The following RYR2 variants were observed in gnomAD, a reference collection of about 807,000 sequenced individuals.
RYR2 encodes the protein ryanodine receptor 2.
A neutral mutation model predicts 601.1 loss-of-function variants in RYR2; 227 were observed. The observed-to-expected ratio is 0.38, with a 90% CI of 0.34 to 0.42. The LOEUF (loss-of-function observed/expected upper bound fraction) is 0.42. Ranked by LOEUF, RYR2 falls within the 10% of genes least tolerant of loss-of-function variation. RYR2 has a pLI of 1.00. For synonymous variants in RYR2, 2,223 were observed against 2,175.1 expected (o/e 1.02, Z -0.61); for missense variants, 4,646 against 6,156.5 (o/e 0.75, Z 8.21).
At position 237,702,043 on chromosome 1, in the gene RYR2, A is replaced by T. The variant is rs771253050; in HGVS notation, c.9433A>T (p.Ser3145Cys). ...TSLYALGTSK[S>C]IYVERQRSAL... ...CTTATATGCTTTGGGAACCAGCAAG[A>T]GTATTTACGTGGAGAGGTAAGAATG... is the stretch of plus-strand genomic sequence containing the variant. The change falls in exon 66 of 105, where the codon AGT becomes TGT. Residue 3145 changes from serine (S) to cysteine (C), a missense_variant. Around this residue, in one of 17 missense-constraint regions of RYR2, gnomAD observed 1,497 missense variants for 1,842.6 expected, o/e 0.81. Transcript: ENST00000366574. 2.5e-6 allele frequency: 4 copies of T among 1,596,058 alleles called. No individual in the cohort carries two copies. Among genetic ancestry groups the T allele is most frequent in the South Asian group, 2.2e-5 (2 of 90,574 alleles).
chr1:237,758,892 G>A (rs1332476679), intron 82 of RYR2, among the ~76,000 whole-genome samples: 3 of 152,020 alleles, frequency 2.0e-5, no homozygotes, highest in African/African-American at 4.8e-5. Context: ...TTGCTTTAGC[G>A]TTTTTTTACA....
At chr1:237,539,279 G>A (rs530064754) in intron 25 of RYR2, among the ~76,000 whole-genome samples, 23 of 152,182 alleles carry the variant, frequency 1.5e-4, no homozygotes. Context: ...CTGAGTGCCA[G>A]GGTTTTATAT....
At chr1:237,127,435 C>G (rs1340071410) in intron 1 of RYR2, among the ~76,000 whole-genome samples, 6 of 150,974 alleles carry the variant, frequency 4.0e-5, no homozygotes, top group Admixed American at 3.3e-4. Context: ...ACCTCCCTCC[C>G]AGAAGGGGGC....
Position 237,538,394 on chromosome 1 carries a change from C to CAAAAA in RYR2, c.2906+7913_2906+7917dup, listed in dbSNP as rs10551995. Among the ~76,000 whole-genome samples the CAAAAA allele has an allele frequency of 3.6e-4, 12 of 32,898 alleles. 1 individual carries two copies. The highest frequency in any genetic ancestry group is 8.0e-4 in the African/African-American group (6 of 7,516). 21.6% of individuals were successfully genotyped at this position (32,898 alleles called of 152,430 possible). On this transcript the variant is annotated intron_variant, in intron 25 of 104. Coordinates refer to ENST00000366574, the MANE Select transcript of RYR2 (RefSeq NM_001035.3). Reference sequence around the variant, plus strand: ...TGGGTGACAGAGCAAGACTCTGTCTCAAAAAAAAAAAAAAAAAAAAAAAAA... The same window carrying CAAAAA: ...TGGGTGACAGAGCAAGACTCTGTCTCAAAAAAAAAAAAAAAAAAAAAAAAAAAAAA...
chr1:237,499,958 G>A (rs1187965850), intron 20 of RYR2, among the ~76,000 whole-genome samples: 1 of 152,146 alleles, frequency 6.6e-6, no homozygotes, highest in Non-Finnish European at 1.5e-5. Flanking sequence ...CCATAGGTTG[G>A]TCTTGCCGGG....
chr1:237,572,725 C>T (rs1672828568), intron 29 of RYR2, among the ~76,000 whole-genome samples: 1 of 152,040 alleles, frequency 6.6e-6, no homozygotes, highest in African/African-American at 2.4e-5. Flanking sequence ...CTTTATGTAG[C>T]AATAATCATT....
chr1:237,228,202 A>C (rs1033868372), intron 1 of RYR2, among the ~76,000 whole-genome samples: 1 of 152,036 alleles, frequency 6.6e-6, no homozygotes, highest in Non-Finnish European at 1.5e-5. Flanking sequence ...CTTAGCTCCC[A>C]CTTGTGGGTG....
chr1:237,666,422 G>C (rs1402703066), intron 56 of RYR2, 90 bp from the exon 57 acceptor site: 10 of 1,119,544 alleles, frequency 8.9e-6, no homozygotes, highest in Non-Finnish European at 1.2e-5. Flanking sequence ...CACTATGTTT[G>C]GAAATTTGTG....
chr1:237,181,891 A>G (rs1302846736), intron 1 of RYR2, among the ~76,000 whole-genome samples: 1 of 152,210 alleles, frequency 6.6e-6, no homozygotes, highest in Non-Finnish European at 1.5e-5. Flanking sequence ...TAATCCAGAC[A>G]GACTAGCGTC....
chr1:237,162,710 G>GC (rs1676164610), intron 1 of RYR2, among the ~76,000 whole-genome samples: 1 of 152,110 alleles, frequency 6.6e-6, no homozygotes, highest in Non-Finnish European at 1.5e-5. Context: ...TTGAGAAACT[G>GC]CAGGCACAGG....
chr1:237,152,471 C>T (rs771378998), intron 1 of RYR2, among the ~76,000 whole-genome samples: 3 of 152,172 alleles, frequency 2.0e-5, no homozygotes, highest in Non-Finnish European at 4.4e-5. Flanking sequence ...TTCCCACCAA[C>T]AGTGTAAAAG....
rs1280031522 is a variant in RYR2, at chr1:237,388,142, T to C, written c.732T>C (p.Cys244=). 7 of 1,613,968 alleles carry C rather than the reference T, an allele frequency of 4.3e-6. 1 individual carries two copies. In the South Asian group the frequency reaches 7.7e-5, roughly 18 times the overall value. The change falls in exon 10 of 105, where the codon TGT becomes TGC. Residue 244 remains cysteine (C), a synonymous_variant. Transcript: ENST00000366574. ...LRLLHGHMDE[C]LTVPSGEHGE... ...TGCTGCATGGACACATGGACGAGTGTCTCACTGTCCCTTCAGGAGAACATG... is the reference window on the plus strand; with the variant it reads ...TGCTGCATGGACACATGGACGAGTGCCTCACTGTCCCTTCAGGAGAACATG...
intron 1 of RYR2, among the ~76,000 whole-genome samples, chr1:237,209,355 C>G (rs12745921): frequency 0.28 from 41,853 of 151,738 alleles, 5,900 homozygotes; most frequent in East Asian, 0.42. Context: ...CACATTTGCT[C>G]TATCCATTTA....
intron 1 of RYR2, among the ~76,000 whole-genome samples, chr1:237,166,233 C>A (rs936954448): frequency 1.3e-5 from 2 of 152,184 alleles, no homozygotes; most frequent in African/African-American, 4.8e-5. Flanking sequence ...CACCTGGGTA[C>A]CTTGCCAACT....
At chr1:237,240,175 C>T (rs1427058874) in intron 1 of RYR2, among the ~76,000 whole-genome samples, 7 of 152,100 alleles carry the variant, frequency 4.6e-5, no homozygotes, top group African/African-American at 1.7e-4. Context: ...TGTGAGGTTG[C>T]CGTCGTCTAA....
intron 51 of RYR2, 58 bp from the exon 52 acceptor site, chr1:237,654,216 A>C: frequency 2.0e-6 from 3 of 1,491,452 alleles, no homozygotes; most frequent in Non-Finnish European, 2.6e-6. Flanking sequence ...GGAGAAATGA[A>C]AAAAAAATAT....
At chr1:237,668,511 T>C (rs1456514934) in intron 58 of RYR2, among the ~76,000 whole-genome samples, 1 of 152,270 alleles carries the variant, frequency 6.6e-6, no homozygotes, top group East Asian at 1.9e-4. Context: ...GCCGTTAGTC[T>C]ATACACATAT....
At chr1:237,288,589 G>C (rs1691830364) in intron 2 of RYR2, among the ~76,000 whole-genome samples, 1 of 151,922 alleles carries the variant, frequency 6.6e-6, no homozygotes, top group Admixed American at 6.6e-5. Context: ...TCAGGGAAGT[G>C]GGGGAAAGCC....
intron 16 of RYR2, among the ~76,000 whole-genome samples, chr1:237,458,973 A>G (rs1307802600): frequency 6.6e-6 from 1 of 152,224 alleles, no homozygotes; most frequent in Non-Finnish European, 1.5e-5. Context: ...AAAAGGTGAC[A>G]TGCGGCTGCC....
Sources: gnomAD v4.1 joint callset for allele counts (sites outside exome capture counted in the v4.1 genomes callset) on GRCh38, gnomAD v4.1.1 for gene constraint, gnomAD v4.1.1 regional missense constraint, MANE v1.5 for transcripts, NCBI Gene and HGNC (gene_info 2026-07-23, HGNC 2026-07-21) for gene names.